The following FBN2 variants were observed in gnomAD, a reference collection of about 807,000 sequenced individuals.
FBN2 encodes the protein fibrillin-2.
FBN2 carries 105 observed loss-of-function variants against 355.6 expected under a neutral mutation model. That is an observed-to-expected ratio of 0.30 (90% CI 0.25 to 0.35). FBN2 has a LOEUF of 0.35. FBN2 is among the 10% of genes least tolerant of loss of function. The probability of loss-of-function intolerance (pLI) is 1.00; values close to 1 mark genes in which losing one functional copy is unlikely to be tolerated. For missense variants in FBN2, 3,280 were observed against 3,758.7 expected, an observed-to-expected ratio of 0.87 and a Z score of 3.33; for synonymous variants, 1,350 against 1,301.2, an observed-to-expected ratio of 1.04 and a Z score of -0.81.
intron 7 of FBN2, among the ~76,000 whole-genome samples, chr5:128,437,434 G>A (rs942963563): frequency 6.6e-6 from 1 of 152,116 alleles, no homozygotes; most frequent in African/African-American, 2.4e-5. Context: ...TAATGATTAT[G>A]ATGATGAATG....
intron 27 of FBN2, 52 bp downstream of exon 27, chr5:128,337,945 G>C: frequency 6.2e-7 from 1 of 1,602,532 alleles, no homozygotes; most frequent in Non-Finnish European, 8.5e-7. Context: ...ACTGATCCCT[G>C]GTCTTTACCA....
chr5:128,446,334 C>T, intron 7 of FBN2, 147 bp downstream of exon 7: 7 of 810,152 alleles, frequency 8.6e-6, no homozygotes, highest in African/African-American at 3.4e-5. Flanking sequence ...TACACAAACA[C>T]AGAACTACTC....
intron 7 of FBN2, among the ~76,000 whole-genome samples, chr5:128,436,628 C>CA (rs1753773477): frequency 7.8e-6 from 1 of 127,732 alleles, no homozygotes; most frequent in South Asian, 2.4e-4. Flanking sequence ...AAGAAAAAGT[C>CA]AAAAAAGGCT....
rs563305497 is a variant in FBN2, at chr5:128,324,049, T to C, written c.4471+4647A>G. Among the ~76,000 whole-genome samples, 21 of 152,376 alleles carry C rather than the reference T, an allele frequency of 1.4e-4. No homozygotes were observed. The East Asian group carries it at 4.0e-3, about 29-fold the overall frequency. ...GTATGTGTCCAGGAATTTATCCATT[T>C]CTTCTAGATCTTCTAGTTTATTTGC... On this transcript the variant is annotated intron_variant, in intron 34 of 64. Coordinates refer to ENST00000262464, the MANE Select transcript of FBN2 (RefSeq NM_001999.4).
At position 128,311,965 on chromosome 5, in the gene FBN2, T is replaced by A. The variant is rs376111927; in HGVS notation, c.4880-12A>T. 3 of 1,597,146 alleles carry A rather than the reference T, an allele frequency of 1.9e-6. No individual in the cohort carries two copies. The African/African-American group carries it at 4.0e-5, about 21-fold the overall frequency. ...GGTGTAATATTCAGCTACAAAACAA[T>A]AGAAAAATAAGAGGTTTGATACCTG... On this transcript the variant is annotated splice_polypyrimidine_tract_variant and intron_variant, in intron 37 of 64. Coordinates refer to ENST00000262464, the MANE Select transcript of FBN2 (RefSeq NM_001999.4).
chr5:128,301,234 C>A, intron 47 of FBN2, 148 bp downstream of exon 47: 1 of 807,962 alleles, frequency 1.2e-6, no homozygotes, highest in Non-Finnish European at 2.0e-6. Context: ...ATACCTTATA[C>A]TAAAATTTTC....
intron 25 of FBN2, among the ~76,000 whole-genome samples, chr5:128,342,097 G>A (rs1751038380): frequency 6.6e-6 from 1 of 152,108 alleles, no homozygotes; most frequent in African/African-American, 2.4e-5. Flanking sequence ...GAAGAACAGA[G>A]AGAGTTAGAG....
chr5:128,382,945 T>C (rs1178994692), intron 11 of FBN2, among the ~76,000 whole-genome samples: 49 of 152,220 alleles, frequency 3.2e-4, no homozygotes, highest in Admixed American at 3.2e-3. Flanking sequence ...AAGACAGATT[T>C]ACCCTCCTTC....
At chr5:128,345,112 G>A (rs1246346217) in intron 24 of FBN2, among the ~76,000 whole-genome samples, 1 of 152,182 alleles carries the variant, frequency 6.6e-6, no homozygotes, top group Non-Finnish European at 1.5e-5. Context: ...CTATCAGGGC[G>A]ACATCTCCGG....
intron 8 of FBN2, among the ~76,000 whole-genome samples, chr5:128,402,858 T>A (rs1561439193): frequency 6.6e-6 from 1 of 152,220 alleles, no homozygotes; most frequent in Non-Finnish European, 1.5e-5. Flanking sequence ...AATACTTTCA[T>A]GTTTACATTG....
chr5:128,335,251 G>A lies in FBN2; in HGVS notation c.3892C>T (p.Gln1298Ter). The change falls in exon 30 of 65, where the codon CAG becomes TAG. Residue 1298 changes from glutamine (Q) to a stop codon, truncating the protein, a stop_gained. Transcript: ENST00000262464. LOFTEE classifies it high-confidence loss of function. ...ENNPDICDGG[Q>*]CTNIPGEYRC... ...TACTCTCCAGGAATGTTGGTACACT[G>A]GCCGCCATCACAGATATCAGGATTG... 6.2e-7 allele frequency: 1 copy of A among 1,614,030 alleles called. No homozygotes were observed. Among genetic ancestry groups the A allele is most frequent in the Non-Finnish European group, 8.5e-7 (1 of 1,179,946 alleles).
At chr5:128,357,866 T>C (rs1751544624) in intron 19 of FBN2, among the ~76,000 whole-genome samples, 1 of 152,142 alleles carries the variant, frequency 6.6e-6, no homozygotes, top group Admixed American at 6.6e-5. Flanking sequence ...GACTGAAACA[T>C]TCATGGTGGG....
intron 36 of FBN2, 72 bp from the exon 37 acceptor site, chr5:128,312,867 C>T (rs1750096354): frequency 2.6e-6 from 4 of 1,540,800 alleles, no homozygotes; most frequent in Non-Finnish European, 1.8e-6. Context: ...GGAAAAGTCA[C>T]TCAAAGGATG....
In FBN2 at chr5:128,447,468, C is replaced by T. The variant is rs190451014; in HGVS notation, c.827-862G>A. Reference sequence around the variant, plus strand: ...CCCGGTCTCCCTTAGTGCTCCCAGGCGTACTATGTACCAGGATGAGGAAAT... The same window carrying T: ...CCCGGTCTCCCTTAGTGCTCCCAGGTGTACTATGTACCAGGATGAGGAAAT... On this transcript the variant is annotated intron_variant, in intron 6 of 64. Coordinates refer to ENST00000262464, the MANE Select transcript of FBN2 (RefSeq NM_001999.4). Among the ~76,000 whole-genome samples the T allele has an allele frequency of 2.1e-3, 313 of 152,210 alleles. 1 individual carries two copies. The highest frequency in any genetic ancestry group is 7.1e-3 in the African/African-American group (296 of 41,542).
intron 48 of FBN2, among the ~76,000 whole-genome samples, chr5:128,296,361 T>A (rs190364444): frequency 0.042 from 6,445 of 152,134 alleles, 423 homozygotes; most frequent in African/African-American, 0.14. Flanking sequence ...TAACATGAGT[T>A]AGGGAGGATT....
chr5:128,337,031 G>A (rs1750859407), intron 27 of FBN2, among the ~76,000 whole-genome samples: 1 of 152,084 alleles, frequency 6.6e-6, no homozygotes, highest in African/African-American at 2.4e-5. Context: ...TAAGCTGTAA[G>A]ATCCACGAAA....
intron 5 of FBN2, among the ~76,000 whole-genome samples, chr5:128,489,004 G>C (rs1383173078): frequency 6.6e-6 from 1 of 152,050 alleles, no homozygotes; most frequent in Admixed American, 6.6e-5. Flanking sequence ...ATAGTCCTTT[G>C]GGTATATACC....
chr5:128,310,405 T>G (rs28615480), intron 39 of FBN2, among the ~76,000 whole-genome samples: 1 of 7,206 alleles, frequency 1.4e-4, no homozygotes, highest in African/African-American at 3.3e-4. Flanking sequence ...TATATATATT[T>G]TTTTTTTTTT....
At chr5:128,434,394 G>GTGTATATATATATATATA (rs377404948) in intron 7 of FBN2, among the ~76,000 whole-genome samples, 3 of 91,676 alleles carry the variant, frequency 3.3e-5, no homozygotes, top group African/African-American at 1.8e-4. Flanking sequence ...AATAAAGTGT[G>GTGTATATATATATATATA]TATATATATA....
Sources: allele counts gnomAD v4.1 joint callset (sites outside exome capture counted in the v4.1 genomes callset), GRCh38; gene constraint gnomAD v4.1.1; transcripts MANE v1.5; gene names NCBI Gene and HGNC (gene_info 2026-07-23, HGNC 2026-07-21).